EPHB1: variants seen among roughly 807,000 people sequenced by gnomAD.
The protein encoded by EPHB1 is EPH receptor B1.
Under a neutral mutation model 94.4 loss-of-function variants are expected in EPHB1, and 30 were observed. The observed-to-expected ratio is 0.32, with a 90% CI of 0.24 to 0.43. The LOEUF is 0.43. Ranked by LOEUF, EPHB1 falls within the 20% of genes least tolerant of loss-of-function variation. The pLI is 1.00. For synonymous variants in EPHB1, 522 were observed against 489.1 expected (o/e 1.07, Z -0.89); for missense variants, 1,055 against 1,308.3 (o/e 0.81, Z 2.99).
chr3:134,871,399 A>G (rs1396796768), intron 1 of EPHB1, among the ~76,000 whole-genome samples: 2 of 152,090 alleles, frequency 1.3e-5, no homozygotes, highest in African/African-American at 4.8e-5. Context: ...GGTGTTTGGC[A>G]GGTGAGGTCC....
At chr3:134,965,545 G>A (rs1933707666) in intron 3 of EPHB1, among the ~76,000 whole-genome samples, 1 of 152,158 alleles carries the variant, frequency 6.6e-6, no homozygotes, top group African/African-American at 2.4e-5. Flanking sequence ...TCCCGCCTGG[G>A]TGACAGAGTG....
chr3:135,254,379 A>C (rs553058440), intron 15 of EPHB1, among the ~76,000 whole-genome samples: 1 of 82,434 alleles, frequency 1.2e-5, no homozygotes, highest in East Asian at 3.6e-4. Flanking sequence ...TTATTTTGAA[A>C]TACGTCCCAT....
intron 3 of EPHB1, among the ~76,000 whole-genome samples, chr3:135,029,801 T>C (rs1019975846): frequency 6.6e-5 from 10 of 152,160 alleles, no homozygotes; most frequent in Non-Finnish European, 8.8e-5. Flanking sequence ...TTCTCCTGGA[T>C]AATATCCTGC....
chr3:135,207,695 T>C (rs1942935205), intron 12 of EPHB1, among the ~76,000 whole-genome samples: 1 of 152,238 alleles, frequency 6.6e-6, no homozygotes, highest in African/African-American at 2.4e-5. Flanking sequence ...TTAGTCAGCC[T>C]GGGCTCCCAT....
chr3:135,078,648 G>A (rs771493922), intron 3 of EPHB1, among the ~76,000 whole-genome samples: 18 of 152,262 alleles, frequency 1.2e-4, no homozygotes, highest in African/African-American at 4.3e-4. Flanking sequence ...GAAAGAGAGA[G>A]GAAGAGGGAG....
intron 12 of EPHB1, among the ~76,000 whole-genome samples, chr3:135,239,549 T>C (rs78470901): frequency 1.3e-5 from 2 of 152,074 alleles, no homozygotes; most frequent in African/African-American, 4.8e-5. Context: ...GAAAAAAGCA[T>C]GAAAGGGTGA....
chr3:135,142,766 A>G (rs1940870439), intron 5 of EPHB1, among the ~76,000 whole-genome samples: 1 of 152,090 alleles, frequency 6.6e-6, no homozygotes, highest in Admixed American at 6.6e-5. Flanking sequence ...GTTTAAGTGG[A>G]CATTGAACTC....
chr3:135,053,054 T>TATATATATATATATAA (rs1228359626), intron 3 of EPHB1, among the ~76,000 whole-genome samples: 2 of 136,354 alleles, frequency 1.5e-5, no homozygotes, highest in African/African-American at 5.6e-5. Context: ...TATATATATA[T>TATATATATATATATAA]AAAGTTGGTG....
chr3:134,873,422 G>A (rs186131676), intron 1 of EPHB1, among the ~76,000 whole-genome samples: 1 of 152,308 alleles, frequency 6.6e-6, no homozygotes, highest in East Asian at 1.9e-4. Context: ...GATGGTTTGG[G>A]GATTCCTGCT....
intron 1 of EPHB1, among the ~76,000 whole-genome samples, chr3:134,818,608 C>T (rs2036315948): frequency 1.3e-5 from 2 of 152,182 alleles, no homozygotes; most frequent in South Asian, 2.1e-4. Flanking sequence ...TAGCTTAGCT[C>T]CCACGTATCA....
chr3:135,001,103 T>C (rs1158498258), intron 3 of EPHB1, among the ~76,000 whole-genome samples: 2 of 152,128 alleles, frequency 1.3e-5, no homozygotes, highest in African/African-American at 4.8e-5. Flanking sequence ...CCTGATTGAG[T>C]GCTGATCCTC....
At chr3:135,128,672 C>A (rs1940305128) in intron 4 of EPHB1, among the ~76,000 whole-genome samples, 1 of 152,094 alleles carries the variant, frequency 6.6e-6, no homozygotes. Context: ...ATTTATTTCT[C>A]TGTTTCCTTC....
intron 1 of EPHB1, among the ~76,000 whole-genome samples, chr3:134,915,609 G>T (rs1323441228): frequency 2.0e-5 from 3 of 152,174 alleles, no homozygotes; most frequent in East Asian, 1.9e-4. Context: ...TCTGGACTTT[G>T]TTCCTTCTGA....
In EPHB1 at chr3:134,900,544, C is replaced by T. The variant is rs1048685242; in HGVS notation, c.59-25272C>T. Among the ~76,000 whole-genome samples, 7 of 152,234 alleles carry T rather than the reference C, an allele frequency of 4.6e-5. No homozygotes were observed. The South Asian group carries it at 1.2e-3, about 27-fold the overall frequency. On this transcript the variant is annotated intron_variant, in intron 1 of 15. Transcript: ENST00000398015. ...CTAAAATAACATGGACTTCAGGCCT[C>T]CAGGATGTCATGACTCCTCTTCCTC...
chr3:134,996,405 T>C lies in EPHB1; in HGVS notation c.805+44353T>C, dbSNP rs754241165. Reference sequence around the variant, plus strand: ...TTTGCCATGTTACCCAGGCTACTCTTGAGCACTTGGGTTCAAGTGATCTGT... The same window carrying C: ...TTTGCCATGTTACCCAGGCTACTCTCGAGCACTTGGGTTCAAGTGATCTGT... On this transcript the variant is annotated intron_variant, in intron 3 of 15. Coordinates refer to ENST00000398015, the MANE Select transcript of EPHB1 (RefSeq NM_004441.5). 3.6e-4 allele frequency among the ~76,000 whole-genome samples: 54 copies of C among 152,106 alleles called. 1 individual carries two copies. Among genetic ancestry groups the C allele is most frequent in the Admixed American group, 5.9e-4 (9 of 15,270 alleles).
intron 6 of EPHB1, among the ~76,000 whole-genome samples, chr3:135,161,646 A>C (rs7634851): frequency 0.96 from 145,495 of 152,198 alleles, 69,770 homozygotes; most frequent in East Asian, 1. Flanking sequence ...GCCTAGTTTG[A>C]GTCTGCTGAG....
chr3:135,222,692 A>AGTC (rs1943300129), intron 12 of EPHB1, among the ~76,000 whole-genome samples: 2 of 152,204 alleles, frequency 1.3e-5, no homozygotes, highest in Admixed American at 6.5e-5. Flanking sequence ...ATGACAAAAC[A>AGTC]GTCTACACAT....
chr3:135,117,291 T>C (rs1433299602), intron 4 of EPHB1, among the ~76,000 whole-genome samples: 1 of 152,258 alleles, frequency 6.6e-6, no homozygotes, highest in Non-Finnish European at 1.5e-5. Flanking sequence ...CAGCATTTTG[T>C]AGTGATTTAT....
intron 12 of EPHB1, among the ~76,000 whole-genome samples, chr3:135,218,250 A>T (rs554791723): frequency 6.6e-6 from 1 of 152,294 alleles, no homozygotes; most frequent in East Asian, 1.9e-4. Context: ...TGAGAGTAAA[A>T]TAATTCAAAT....
Sources: allele counts gnomAD v4.1 joint callset (sites outside exome capture counted in the v4.1 genomes callset), GRCh38; gene constraint gnomAD v4.1.1; transcripts MANE v1.5; gene names NCBI Gene and HGNC (gene_info 2026-07-23, HGNC 2026-07-21).